Variants in NOL4L observed in about 807,000 individuals in gnomAD.
NOL4L encodes nucleolar protein 4 like.
In NOL4L, 7 loss-of-function variants were observed where a neutral mutation model predicts 64.5. The observed-to-expected ratio is 0.11, with a 90% CI of 0.06 to 0.20. The LOEUF (loss-of-function observed/expected upper bound fraction) is 0.20. NOL4L is among the 10% of genes least tolerant of loss of function. The probability of loss-of-function intolerance (pLI) is 1.00; values close to 1 mark genes in which losing one functional copy is unlikely to be tolerated. For synonymous variants in NOL4L, 413 were observed against 401.0 expected, an observed-to-expected ratio of 1.03 and a Z score of -0.36; for missense variants, 680 against 967.1, an observed-to-expected ratio of 0.70 and a Z score of 3.94.
intron 1 of NOL4L, among the ~76,000 whole-genome samples, chr20:32,569,173 C>G (rs988312151): frequency 1.1e-4 from 16 of 152,030 alleles, no homozygotes; most frequent in Admixed American, 2.0e-4. Flanking sequence ...TTTGAAAAGA[C>G]AATCAGGGAG....
At chr20:32,560,044 A>T (rs935323743) in intron 1 of NOL4L, among the ~76,000 whole-genome samples, 1 of 152,212 alleles carries the variant, frequency 6.6e-6, no homozygotes. Flanking sequence ...CTCTTGCTCC[A>T]GGGCACTCGC....
At chr20:32,457,811 A>G (rs2013695599) in intron 5 of NOL4L, among the ~76,000 whole-genome samples, 1 of 152,150 alleles carries the variant, frequency 6.6e-6, no homozygotes, top group Non-Finnish European at 1.5e-5. Flanking sequence ...GCTGCCCCTC[A>G]CTGGCTGCAT....
chr20:32,476,233 A>G lies in NOL4L; in HGVS notation c.700-1491T>C, dbSNP rs1057055559. On this transcript the variant is annotated intron_variant, in intron 4 of 10. Transcript: ENST00000621426. ...CACACACACACACACACACACACAC[A>G]CACGTTCAAAAGGCTCTGCACAAAG... 2.2e-4 allele frequency among the ~76,000 whole-genome samples: 33 copies of G among 151,574 alleles called. 1 individual carries two copies. Among genetic ancestry groups the G allele is most frequent in the African/African-American group, 7.5e-4 (31 of 41,236 alleles).
intron 4 of NOL4L, chr20:32,486,717 G>C (rs1409563581): frequency 2.1e-6 from 1 of 471,172 alleles, no homozygotes; most frequent in Admixed American, 2.3e-5. Flanking sequence ...CGATCTGGCA[G>C]ACACTTCCCA....
chr20:32,472,273 T>C (rs1031244235), intron 5 of NOL4L, among the ~76,000 whole-genome samples: 1 of 152,080 alleles, frequency 6.6e-6, no homozygotes, highest in Non-Finnish European at 1.5e-5. Context: ...CGCAACCGAG[T>C]CCCAGGGGCA....
intron 9 of NOL4L, 39 bp downstream of exon 9, chr20:32,452,845 C>G: frequency 6.2e-7 from 1 of 1,610,362 alleles, no homozygotes; most frequent in Non-Finnish European, 8.5e-7. Flanking sequence ...TCCCTGGCTG[C>G]CCAGGAGCGG....
intron 5 of NOL4L, among the ~76,000 whole-genome samples, chr20:32,461,538 TC>T (rs1459353750): frequency 6.7e-6 from 1 of 150,032 alleles, no homozygotes; most frequent in Non-Finnish European, 1.5e-5. Flanking sequence ...TTCTCCTGCC[TC>T]GGCTTCCCGA....
Position 32,584,551 on chromosome 20 carries a change from C to T in NOL4L, c.321+19G>A. ...GCCCCGCGGCGGGACCCGCCCGCGG[C>T]CGCCGCGCGCGCACTCACCGAGCCC... On this transcript the variant is annotated intron_variant, in intron 1 of 10. Transcript: ENST00000621426. 7.6e-7 allele frequency: 1 copy of T among 1,316,840 alleles called. No homozygotes were observed. The highest frequency in any genetic ancestry group is 9.7e-7 in the Non-Finnish European group (1 of 1,027,612). 81.6% of individuals were successfully genotyped at this position (1,316,840 alleles called of 1,614,324 possible). A position where few individuals can be genotyped will look rare whatever the true frequency, so the allele number is the denominator to read the frequency against.
intron 1 of NOL4L, among the ~76,000 whole-genome samples, chr20:32,545,284 A>C (rs1372076708): frequency 3.3e-5 from 5 of 152,134 alleles, no homozygotes; most frequent in Non-Finnish European, 4.4e-5. Flanking sequence ...AAAGAATAAA[A>C]ATTTTTAAAA....
chr20:32,521,440 T>C (rs922488136), intron 2 of NOL4L, among the ~76,000 whole-genome samples: 6 of 152,132 alleles, frequency 3.9e-5, no homozygotes, highest in African/African-American at 1.4e-4. Flanking sequence ...GCATCAGACT[T>C]TTCAAACTAG....
intron 4 of NOL4L, 64 bp downstream of exon 4, chr20:32,511,283 A>C: frequency 9.7e-7 from 1 of 1,031,192 alleles, no homozygotes; most frequent in Non-Finnish European, 1.5e-6. Flanking sequence ...TCTTGGAAAG[A>C]ATCAACCACC....
At position 32,558,192 on chromosome 20, in the gene NOL4L, C is replaced by A. The variant is rs144040108; in HGVS notation, c.321+26378G>T. On this transcript the variant is annotated intron_variant, in intron 1 of 10. Coordinates refer to ENST00000621426, the MANE Select transcript of NOL4L (RefSeq NM_001256798.2). ...GACCTCTCCTAAGGGATTCCCAGTG[C>A]CACTGCCCTGTGTCATTGCTGCTGA... Among the ~76,000 whole-genome samples the A allele has an allele frequency of 6.4e-3, 970 of 152,380 alleles. 8 individuals carry two copies. Among genetic ancestry groups the A allele is most frequent in the Non-Finnish European group, 0.01 (709 of 68,038 alleles).
intron 1 of NOL4L, among the ~76,000 whole-genome samples, chr20:32,569,320 A>G (rs1979623857): frequency 1.3e-5 from 2 of 152,214 alleles, no homozygotes; most frequent in South Asian, 4.1e-4. Flanking sequence ...CTTGCAGGTC[A>G]TGGTGACTTT....
At chr20:32,569,436 G>A (rs1979629871) in intron 1 of NOL4L, among the ~76,000 whole-genome samples, 2 of 152,192 alleles carry the variant, frequency 1.3e-5, no homozygotes, top group South Asian at 2.1e-4. Flanking sequence ...GAAGCGGGGC[G>A]GAAGTAACAG....
chr20:32,450,929 G>A (rs759184998), intron 10 of NOL4L, among the ~76,000 whole-genome samples: 4 of 152,192 alleles, frequency 2.6e-5, no homozygotes, highest in Non-Finnish European at 5.9e-5. Context: ...AGGAAGGGAT[G>A]AGGAGTTAAG....
In NOL4L at chr20:32,453,314, C is replaced by T; in HGVS notation, c.1487G>A (p.Gly496Asp). The T allele has an allele frequency of 6.2e-7, 1 of 1,613,594 alleles. No homozygotes were observed. The highest frequency in any genetic ancestry group is 8.5e-7 in the Non-Finnish European group (1 of 1,179,614). The change falls in exon 8 of 11, where the codon GGC becomes GAC. Residue 496 changes from glycine to aspartate, a missense_variant. Gly to Asp is a moderately conservative substitution (Grantham distance 94, BLOSUM62 -1). Transcript: ENST00000621426. The surrounding 1 kb of genome is among the most constrained non-coding windows in gnomAD (Gnocchi z 5.6). ...GCAGGGGGGACTCACCATCTCCATG[C>T]CGTTCTTCTTCATGCGACGGCAGGA... ...LKSCRRMKKN[G>D]MEMTRPTPPH...
intron 1 of NOL4L, among the ~76,000 whole-genome samples, chr20:32,539,759 A>G (rs1046508507): frequency 6.6e-6 from 1 of 152,174 alleles, no homozygotes; most frequent in Non-Finnish European, 1.5e-5. Flanking sequence ...GGAGTAAATG[A>G]GAGGTGGACA....
chr20:32,474,932 T>C (rs1464559454), intron 4 of NOL4L, 190 bp from the exon 5 acceptor site: 3 of 985,288 alleles, frequency 3.0e-6, no homozygotes, highest in African/African-American at 1.7e-5. Flanking sequence ...CGGCTCTGGT[T>C]CCTGTCGGAA....
chr20:32,504,282 C>T (rs997285577), intron 4 of NOL4L, among the ~76,000 whole-genome samples: 17 of 152,118 alleles, frequency 1.1e-4, no homozygotes, highest in South Asian at 4.1e-4. Flanking sequence ...TCTCAGAGGC[C>T]GGGCGTGGTG....
Sources: allele counts gnomAD v4.1 joint callset (sites outside exome capture counted in the v4.1 genomes callset), GRCh38; gene constraint gnomAD v4.1.1; non-coding constraint Gnocchi (gnomAD v3.1); transcripts MANE v1.5; gene names NCBI Gene and HGNC (gene_info 2026-07-23, HGNC 2026-07-21).